Variants in PDK2 observed in about 807,000 individuals in gnomAD.
PDK2 encodes pyruvate dehydrogenase kinase, isozyme 2.
Under a neutral mutation model 50.4 loss-of-function variants are expected in PDK2, and 34 were observed. The ratio of observed to expected loss-of-function variants is 0.68; its 90% confidence interval spans 0.51 to 0.90. The LOEUF (loss-of-function observed/expected upper bound fraction) is 0.90, where lower values mean the gene tolerates loss of function less well. Ranked by LOEUF, PDK2 falls within the 40% of genes least tolerant of loss-of-function variation. The probability of loss-of-function intolerance (pLI) is 0.00; values close to 1 mark genes in which losing one functional copy is unlikely to be tolerated. For missense variants in PDK2, 377 were observed against 544.5 expected (o/e 0.69, Z 3.06); for synonymous variants, 232 against 216.0 (o/e 1.07, Z -0.65).
chr17:50,095,384 C>A lies in PDK2; in HGVS notation c.-52C>A, dbSNP rs975875314. 1 of 1,374,246 alleles carries A rather than the reference C, an allele frequency of 7.3e-7. No homozygotes were observed. Among genetic ancestry groups the A allele is most frequent in the Non-Finnish European group, 1.0e-6 (1 of 981,666 alleles). 85.1% of individuals were successfully genotyped at this position (1,374,246 alleles called of 1,614,324 possible). On this transcript the variant is annotated 5_prime_UTR_variant, in exon 1 of 11. Transcript: ENST00000503176. The stretch of plus-strand genomic sequence containing the variant: ...AACCGCGTCGCTGGGCCGAAAGGTG[C>A]GCGAGCGCTGCCCGCGCGGGGACCA...
Position 50,095,483 on chromosome 17 carries a change from G to A in PDK2, c.48G>A (p.Ala16=). 6.2e-7 allele frequency: 1 copy of A among 1,605,970 alleles called. No homozygotes were observed. Among genetic ancestry groups the A allele is most frequent in the Non-Finnish European group, 8.5e-7 (1 of 1,176,576 alleles). The part of the protein sequence containing the change: ...ALLKNASLAG[A]PKYIEHFSKF... ...TGAAGAATGCGTCCCTGGCAGGGGC[G>A]CCCAAGTACATAGAGCACTTCAGCA... is the stretch of plus-strand genomic sequence containing the variant. Residue 16 remains alanine (A), a synonymous_variant, in exon 1 of 11, where the codon GCG becomes GCA. Coordinates refer to ENST00000503176, the MANE Select transcript of PDK2 (RefSeq NM_002611.5).
At chr17:50,100,095 A>G (rs1910146158) in intron 2 of PDK2, among the ~76,000 whole-genome samples, 2 of 152,192 alleles carry the variant, frequency 1.3e-5, no homozygotes, top group African/African-American at 4.8e-5. Context: ...GCTTGGCAAG[A>G]GGGCCTCTAG....
rs1177691726 is a variant in PDK2 at position 50,101,236 on chromosome 17, TA to T, written c.260+3675del. ...TGTGGCTTGGGTGCCCAGGACCTGC[TA>T]AAGCCACACGAGCTCTCCAAACCCG... On this transcript the variant is annotated intron_variant, in intron 2 of 10. Coordinates refer to ENST00000503176, the MANE Select transcript of PDK2 (RefSeq NM_002611.5). This position sits in a 1 kb window ranked among gnomAD's most constrained non-coding sequence, Gnocchi z 4.2. Among the ~76,000 whole-genome samples the T allele has an allele frequency of 6.6e-6, 1 of 152,052 alleles. No homozygotes were observed. Among genetic ancestry groups the T allele is most frequent in the Non-Finnish European group, 1.5e-5 (1 of 68,006 alleles).
chr17:50,108,443 C>A, intron 8 of PDK2, 26 bp downstream of exon 8: 1 of 1,574,146 alleles, frequency 6.4e-7, no homozygotes, highest in Non-Finnish European at 8.7e-7. Flanking sequence ...ACCTTGGGGA[C>A]CAGGGAGCAG....
intron 1 of PDK2, 161 bp downstream of exon 1, chr17:50,095,714 G>T: frequency 1.4e-6 from 2 of 1,431,786 alleles, no homozygotes; most frequent in Non-Finnish European, 1.8e-6. Context: ...AGCAGGAACC[G>T]GCCGGGGCCT....
chr17:50,097,724 G>C, intron 2 of PDK2, 160 bp downstream of exon 2: 1 of 730,848 alleles, frequency 1.4e-6, no homozygotes, highest in South Asian at 1.8e-5. Context: ...GGTCACGTGG[G>C]AATCTGAGGC....
intron 2 of PDK2, chr17:50,099,023 G>C (rs1910087353): frequency 6.6e-6 from 1 of 152,320 alleles, no homozygotes; most frequent in Admixed American, 6.5e-5. Context: ...TGTGAGGAAG[G>C]GGTGGAGGCA....
intron 4 of PDK2, 197 bp downstream of exon 4, chr17:50,106,266 T>A (rs970464196): frequency 7.2e-6 from 10 of 1,397,712 alleles, no homozygotes; most frequent in Non-Finnish European, 9.3e-6. Context: ...ATTTTCCATT[T>A]CAAAACGTTT....
intron 2 of PDK2, chr17:50,098,680 C>T (rs1000183546): frequency 5.3e-5 from 8 of 152,126 alleles, no homozygotes; most frequent in African/African-American, 7.2e-5. Flanking sequence ...GCCTTTCCAG[C>T]GCTGTTTTCT....
Position 50,109,262 on chromosome 17 carries a change from T to C in PDK2, c.970-25T>C. ...GAGGCCCCTGCCAGCCTCCTCATCC[T>C]CACTGCCTTCCTGCCCCGCTGCAGG... On this transcript the variant is annotated intron_variant, in intron 9 of 10. Coordinates refer to ENST00000503176, the MANE Select transcript of PDK2 (RefSeq NM_002611.5). The surrounding 1 kb of genome is among the most constrained non-coding windows in gnomAD (Gnocchi z 5.0). 1 of 1,526,928 alleles carries C rather than the reference T, an allele frequency of 6.5e-7. No homozygotes were observed. The highest frequency in any genetic ancestry group is 1.1e-5 in the South Asian group (1 of 88,524). The allele number at this position is 1,526,928 out of a possible 1,614,324, so 94.6% of individuals were successfully genotyped here.
chr17:50,106,372 T>C (rs847695), intron 4 of PDK2: 381,230 of 574,368 alleles, frequency 0.66, 129,465 homozygotes, highest in East Asian at 0.95. Context: ...TCAAAAACAA[T>C]TTGTTGTTTA....
intron 2 of PDK2, 129 bp downstream of exon 2, chr17:50,097,693 C>A: frequency 1.8e-6 from 2 of 1,134,270 alleles, no homozygotes; most frequent in Non-Finnish European, 2.5e-6. Flanking sequence ...ACCAAAGCCC[C>A]AAGCGCTTGG....
intron 1 of PDK2, 134 bp from the exon 2 acceptor site, chr17:50,097,289 C>T (rs79543773): frequency 3.0e-4 from 242 of 818,904 alleles, no homozygotes; most frequent in Non-Finnish European, 4.1e-4. Context: ...GGATGGGGAG[C>T]CTTGCTGTGT....
At chr17:50,108,964 T>C (rs1354345773) in intron 9 of PDK2, among the ~76,000 whole-genome samples, 1 of 152,102 alleles carries the variant, frequency 6.6e-6, no homozygotes, top group African/African-American at 2.4e-5. Flanking sequence ...AATTTCTACC[T>C]TTCTCCTGGT....
Position 50,109,378 on chromosome 17 carries a change from C to A in PDK2, c.1061C>A (p.Thr354Asn), listed in dbSNP as rs777253142. 2 of 1,611,570 alleles carry A rather than the reference C, an allele frequency of 1.2e-6. No homozygotes were observed. Among genetic ancestry groups the A allele is most frequent in the East Asian group, 4.5e-5 (2 of 44,816 alleles). The change falls in exon 10 of 11, where the codon ACC becomes AAC. Residue 354 changes from threonine (T) to asparagine (N), a missense_variant. By Grantham distance (65) the Thr-to-Asn change is moderately conservative. Transcript: ENST00000503176. This position sits in a 1 kb window ranked among gnomAD's most constrained non-coding sequence, Gnocchi z 5.0. ...CTCTTCTCCATGGAAGGCTTTGGGACCGATGCTGTCATCTATCTCAAGGTG... is the reference window on the plus strand; with the variant it reads ...CTCTTCTCCATGGAAGGCTTTGGGAACGATGCTGTCATCTATCTCAAGGTG... ...LQLFSMEGFG[T>N]DAVIYLKALS...
At chr17:50,097,301 C>A in intron 1 of PDK2, 122 bp from the exon 2 acceptor site, 1 of 949,882 alleles carries the variant, frequency 1.1e-6, no homozygotes, top group Non-Finnish European at 1.6e-6. Flanking sequence ...TTGCTGTGTG[C>A]CCCGGGCAGG....
In PDK2 at chr17:50,105,394, T is replaced by A. The variant is rs1316632538; in HGVS notation, c.284T>A (p.Ile95Asn). ...AGGTATGTCCAGAGCCTCCTGGACA[T>A]CATGGAGTTCCTGGACAAGGATCCC... The part of the protein sequence containing the change: ...QSWYVQSLLD[I>N]MEFLDKDPED... Residue 95 changes from isoleucine (I) to asparagine (N), a missense_variant, in exon 3 of 11, where the codon ATC becomes AAC. Ile to Asn is a moderately radical substitution (Grantham distance 149). This residue lies in a region of PDK2 where 63 missense variants were observed against 135.1 expected (regional missense o/e 0.47). Transcript: ENST00000503176. 6.2e-7 allele frequency: 1 copy of A among 1,613,496 alleles called. No individual in the cohort carries two copies. Among genetic ancestry groups the A allele is most frequent in the Non-Finnish European group, 8.5e-7 (1 of 1,179,858 alleles).
At chr17:50,107,510 G>A (rs948168875) in intron 6 of PDK2, among the ~76,000 whole-genome samples, 5 of 152,202 alleles carry the variant, frequency 3.3e-5, no homozygotes, top group Admixed American at 3.3e-4. Context: ...GAACCCGGGA[G>A]GCTGAGACTG....
chr17:50,098,563 G>A (rs982502267), intron 2 of PDK2: 20 of 152,206 alleles, frequency 1.3e-4, no homozygotes, highest in African/African-American at 4.8e-4. Context: ...AAGTGTAACA[G>A]GTTCACTTGA....
Sources: gnomAD v4.1 joint callset for allele counts (sites outside exome capture counted in the v4.1 genomes callset) on GRCh38, gnomAD v4.1.1 for gene constraint, gnomAD v4.1.1 regional missense constraint, Gnocchi (gnomAD v3.1) non-coding constraint, MANE v1.5 for transcripts, NCBI Gene and HGNC (gene_info 2026-07-23, HGNC 2026-07-21) for gene names.